SAMD3: variants seen among roughly 807,000 people sequenced by gnomAD.
The protein encoded by SAMD3 is sterile alpha motif domain containing 3, also known as sterile alpha motif domain-containing protein 3.
Under a neutral mutation model 58.5 loss-of-function variants are expected in SAMD3, and 63 were observed. The observed-to-expected ratio is 1.08, with a 90% CI of 0.88 to 1.33. SAMD3 has a LOEUF of 1.33. Among genes scored for constraint, SAMD3 ranks in the 40% most tolerant of loss-of-function variants. The pLI, the probability that SAMD3 is intolerant of heterozygous loss-of-function variation, is 0.00. For synonymous variants in SAMD3, 220 were observed against 210.3 expected, an observed-to-expected ratio of 1.05 and a Z score of -0.40; for missense variants, 604 against 608.4, an observed-to-expected ratio of 0.99 and a Z score of 0.08.
At chr6:130,162,011 C>T in intron 8 of SAMD3, 1 of 383,310 alleles carries the variant, frequency 2.6e-6, no homozygotes, top group Non-Finnish European at 4.6e-6. Context: ...TCACTTCAGG[C>T]CAAGAAATAC....
chr6:130,258,113 C>T (rs753483879), intron 2 of SAMD3, among the ~76,000 whole-genome samples: 8 of 151,986 alleles, frequency 5.3e-5, no homozygotes, highest in Non-Finnish European at 7.4e-5. Flanking sequence ...TATAAATGGG[C>T]ATGTTTTGAC....
chr6:130,185,622 T>A (rs1792880970), intron 5 of SAMD3, among the ~76,000 whole-genome samples: 1 of 149,110 alleles, frequency 6.7e-6, no homozygotes, highest in Non-Finnish European at 1.5e-5. Flanking sequence ...CCACTGCATC[T>A]GCCCAATTTT....
chr6:130,340,340 T>G (rs999489184), intron 1 of SAMD3, among the ~76,000 whole-genome samples: 10 of 152,212 alleles, frequency 6.6e-5, no homozygotes, highest in Non-Finnish European at 1.2e-4. Context: ...CTCTTCAGTC[T>G]TCAAAGCCAC....
At chr6:130,212,935 G>T (rs531286809) in intron 4 of SAMD3, among the ~76,000 whole-genome samples, 1 of 152,182 alleles carries the variant, frequency 6.6e-6, no homozygotes, top group Non-Finnish European at 1.5e-5. Flanking sequence ...ACATGTTCAA[G>T]AGCGTCCTTT....
At chr6:130,331,409 G>A (rs1330942593) in intron 1 of SAMD3, among the ~76,000 whole-genome samples, 1 of 152,202 alleles carries the variant, frequency 6.6e-6, no homozygotes, top group Non-Finnish European at 1.5e-5. Context: ...AGTCATATTA[G>A]TGACTGGATA....
chr6:130,234,841 G>C (rs1183179551), intron 2 of SAMD3, among the ~76,000 whole-genome samples: 1 of 152,216 alleles, frequency 6.6e-6, no homozygotes, highest in Non-Finnish European at 1.5e-5. Flanking sequence ...AAAGGAAATA[G>C]AGGGACAGGC....
At chr6:130,160,535 G>A (rs1260525380) in intron 8 of SAMD3, 1 of 152,130 alleles carries the variant, frequency 6.6e-6, no homozygotes, top group Non-Finnish European at 1.5e-5. Context: ...GACAGTTCTG[G>A]GTGGAGAGAC....
At chr6:130,343,667 T>C (rs1446390582) in intron 1 of SAMD3, among the ~76,000 whole-genome samples, 1 of 152,116 alleles carries the variant, frequency 6.6e-6, no homozygotes, top group Non-Finnish European at 1.5e-5. Flanking sequence ...GAAGAAATTA[T>C]TGACAATGAG....
At chr6:130,246,103 T>G (rs1019752038) in intron 2 of SAMD3, among the ~76,000 whole-genome samples, 5 of 152,182 alleles carry the variant, frequency 3.3e-5, no homozygotes, top group African/African-American at 1.2e-4. Flanking sequence ...AGAGAAAGTT[T>G]ATTTAAAAGA....
chr6:130,202,905 GC>G (rs5880008), intron 5 of SAMD3, among the ~76,000 whole-genome samples: 60,083 of 151,798 alleles, frequency 0.4, 12,128 homozygotes, highest in East Asian at 0.55. Context: ...GGTCTTTGAT[GC>G]CCCCCCTCCT....
chr6:130,197,121 C>T (rs144808242), intron 5 of SAMD3, among the ~76,000 whole-genome samples: 3,095 of 152,286 alleles, frequency 0.02, 102 homozygotes, highest in African/African-American at 0.071. Flanking sequence ...ACTACTTTCC[C>T]TTCTCAGAAG....
At chr6:130,149,228 G>A (rs1788912757) in intron 9 of SAMD3, among the ~76,000 whole-genome samples, 1 of 152,190 alleles carries the variant, frequency 6.6e-6, no homozygotes, top group Admixed American at 6.5e-5. Context: ...GCTCCCAGCT[G>A]TGAATGGTCA....
rs1385632977 is a variant in SAMD3 at position 130,164,743 on chromosome 6, A to G, written c.823-9718T>C. On this transcript the variant is annotated intron_variant, in intron 8 of 11. Transcript: ENST00000439090. ...AGAATGTTGTCAGTTGTCACTAAAA[A>G]AAGGGGAAAATGAGGAATTGTATAC... is the stretch of plus-strand genomic sequence containing the variant. 3.9e-5 allele frequency among the ~76,000 whole-genome samples: 6 copies of G among 152,092 alleles called. No homozygotes were observed. In the East Asian group the frequency reaches 1.2e-3, roughly 29 times the overall value.
At chr6:130,145,694 G>T (rs1009895191) in intron 10 of SAMD3, among the ~76,000 whole-genome samples, 5 of 152,098 alleles carry the variant, frequency 3.3e-5, no homozygotes, top group African/African-American at 1.2e-4. Flanking sequence ...CTTGTGATTT[G>T]TATTGTAAAA....
At chr6:130,166,740 G>C (rs1330605280) in intron 8 of SAMD3, among the ~76,000 whole-genome samples, 1 of 152,304 alleles carries the variant, frequency 6.6e-6, no homozygotes, top group Non-Finnish European at 1.5e-5. Context: ...TAATTTTCTA[G>C]AAGAAATGCA....
intron 4 of SAMD3, among the ~76,000 whole-genome samples, chr6:130,213,052 G>A (rs1048009127): frequency 2.0e-5 from 3 of 152,194 alleles, no homozygotes; most frequent in Non-Finnish European, 4.4e-5. Context: ...GGAGGCTGAG[G>A]TGGGAGGATG....
intron 9 of SAMD3, among the ~76,000 whole-genome samples, chr6:130,149,761 A>G (rs1788973567): frequency 1.3e-5 from 2 of 152,190 alleles, no homozygotes; most frequent in Non-Finnish European, 2.9e-5. Context: ...CCTATCGGGT[A>G]TTATGCCCGC....
chr6:130,184,580 A>T lies in SAMD3; in HGVS notation c.427T>A (p.Trp143Arg). The T allele has an allele frequency of 6.2e-7, 1 of 1,613,536 alleles. No homozygotes were observed. Among genetic ancestry groups the T allele is most frequent in the South Asian group, 1.1e-5 (1 of 90,842 alleles). Residue 143 changes from tryptophan (W) to arginine (R), a missense_variant, in exon 6 of 12, where the codon TGG becomes AGG. Coordinates refer to ENST00000439090, the MANE Select transcript of SAMD3 (RefSeq NM_001017373.4). ...QILARSKALQ[W>R]TKSYVLPEFP... The stretch of plus-strand genomic sequence containing the variant: ...TCTGGTAAAACATAGGACTTCGTCC[A>T]CTGTAATGCTTTGCTTCTTGCTAGA...
intron 2 of SAMD3, among the ~76,000 whole-genome samples, chr6:130,265,899 G>A (rs998810653): frequency 2.6e-5 from 4 of 152,190 alleles, no homozygotes; most frequent in African/African-American, 7.2e-5. Context: ...AAATAAGTAC[G>A]TTTATCATAA....
Sources: allele counts gnomAD v4.1 joint callset (sites outside exome capture counted in the v4.1 genomes callset), GRCh38; gene constraint gnomAD v4.1.1; transcripts MANE v1.5; gene names NCBI Gene and HGNC (gene_info 2026-07-23, HGNC 2026-07-21).